KCNN3: variants seen among roughly 807,000 people sequenced by gnomAD.
KCNN3 encodes the protein small conductance calcium-activated potassium channel protein 3.
A neutral mutation model predicts 62.9 loss-of-function variants in KCNN3; 16 were observed. The observed-to-expected ratio is 0.25, with a 90% CI of 0.17 to 0.39. The LOEUF (loss-of-function observed/expected upper bound fraction) is 0.39. Ranked by LOEUF, KCNN3 falls within the 10% of genes least tolerant of loss-of-function variation. The probability of loss-of-function intolerance (pLI) is 1.00; values close to 1 mark genes in which losing one functional copy is unlikely to be tolerated. For missense variants in KCNN3, 599 were observed against 949.4 expected (o/e 0.63, Z 4.85); for synonymous variants, 370 against 389.2 (o/e 0.95, Z 0.58).
chr1:154,707,091 C>T lies in KCNN3; in HGVS notation c.*885G>A, dbSNP rs1995662. 0.87 allele frequency: 132,395 copies of T among 152,196 alleles called. 57,950 individuals carry two copies. Among genetic ancestry groups the T allele is most frequent in the East Asian group, 0.97 (5,041 of 5,182 alleles). The allele number at this position is 152,196 out of a possible 1,614,324, so 9.4% of individuals were successfully genotyped here. ...TTTTGGCTTGGCATCCATTTCAAAT[C>T]AAGCAAGGTGCATATCCAGGACAAA... On this transcript the variant is annotated 3_prime_UTR_variant, in exon 8 of 8. Transcript: ENST00000271915.
chr1:154,788,722 A>C (rs1194636336), intron 2 of KCNN3, among the ~76,000 whole-genome samples: 2 of 152,202 alleles, frequency 1.3e-5, no homozygotes, highest in Non-Finnish European at 2.9e-5. Context: ...CCTGTGAGCC[A>C]GCCACCTTCA....
chr1:154,753,274 C>A (rs1280290563), intron 3 of KCNN3, among the ~76,000 whole-genome samples: 2 of 152,090 alleles, frequency 1.3e-5, no homozygotes, highest in Non-Finnish European at 2.9e-5. Flanking sequence ...CCCCACCCCA[C>A]CCCTCGAAAA....
intron 2 of KCNN3, among the ~76,000 whole-genome samples, chr1:154,775,573 C>CA (rs1648754432): frequency 7.8e-6 from 1 of 127,664 alleles, no homozygotes; most frequent in South Asian, 3.4e-4. Context: ...CAGCCCCCCA[C>CA]CCACCCACCC....
At chr1:154,863,800 C>T (rs984209543) in intron 1 of KCNN3, among the ~76,000 whole-genome samples, 3 of 152,196 alleles carry the variant, frequency 2.0e-5, no homozygotes, top group Non-Finnish European at 2.9e-5. Context: ...ATGCCCCTGG[C>T]GGAGCACCTG....
intron 1 of KCNN3, among the ~76,000 whole-genome samples, chr1:154,825,364 A>T (rs58743378): frequency 0.019 from 2,200 of 118,348 alleles, 78 homozygotes; most frequent in African/African-American, 0.069. Flanking sequence ...GATGAGAATC[A>T]TTTTTTTTTT....
intron 3 of KCNN3, among the ~76,000 whole-genome samples, chr1:154,739,455 C>T (rs1700782698): frequency 6.6e-6 from 1 of 152,110 alleles, no homozygotes; most frequent in Admixed American, 6.5e-5. Flanking sequence ...CTTCATAGTG[C>T]TTCCATGTAG....
Position 154,869,533 on chromosome 1 carries a change from T to A in KCNN3, c.432A>T (p.Thr144=), listed in dbSNP as rs763639345. Residue 144 remains threonine (T), a synonymous_variant, in exon 1 of 8, where the codon ACA becomes ACT. Coordinates refer to ENST00000271915, the MANE Select transcript of KCNN3 (RefSeq NM_002249.6). The surrounding 1 kb of genome is among the most constrained non-coding windows in gnomAD (Gnocchi z 6.1). ...TGCCTCCGCCAGGCCCACTTGTAGC[T>A]GTGGAACTTGGAGAGTGGCCAAGCA... is the stretch of plus-strand genomic sequence containing the variant. ...DHLLGHSPSS[T]ATSGPGGGSR... 3.7e-6 allele frequency: 6 copies of A among 1,613,960 alleles called. No homozygotes were observed. The highest frequency in any genetic ancestry group is 1.3e-5 in the African/African-American group (1 of 74,898).
intron 3 of KCNN3, 61 bp downstream of exon 3, chr1:154,771,914 C>G (rs746176981): frequency 1.3e-6 from 2 of 1,550,558 alleles, no homozygotes; most frequent in Non-Finnish European, 1.8e-6. Flanking sequence ...GGCACCCCTA[C>G]TCCTCCTCCC....
chr1:154,843,720 C>T (rs1483318328), intron 1 of KCNN3, among the ~76,000 whole-genome samples: 1 of 152,142 alleles, frequency 6.6e-6, no homozygotes, highest in Non-Finnish European at 1.5e-5. Context: ...AGTTCTCTCC[C>T]GGAGACTCCT....
At chr1:154,798,606 G>T (rs1649831179) in intron 2 of KCNN3, among the ~76,000 whole-genome samples, 1 of 152,180 alleles carries the variant, frequency 6.6e-6, no homozygotes, top group Non-Finnish European at 1.5e-5. Context: ...AGTAATAAGA[G>T]CAAAGAAAAG....
At chr1:154,808,985 C>T (rs907690556) in intron 2 of KCNN3, among the ~76,000 whole-genome samples, 2 of 152,174 alleles carry the variant, frequency 1.3e-5, no homozygotes, top group African/African-American at 4.8e-5. Flanking sequence ...GCGGTGGCTG[C>T]TCTGCGCCCA....
intron 3 of KCNN3, among the ~76,000 whole-genome samples, chr1:154,756,275 C>G (rs953787338): frequency 7.6e-6 from 1 of 131,668 alleles, no homozygotes; most frequent in Non-Finnish European, 1.6e-5. Flanking sequence ...AAGAAGACGA[C>G]GACGATGAAA....
At chr1:154,722,134 G>A (rs1430564416) in intron 5 of KCNN3, among the ~76,000 whole-genome samples, 2 of 152,094 alleles carry the variant, frequency 1.3e-5, no homozygotes, top group Non-Finnish European at 2.9e-5. Flanking sequence ...GCAGTCTTTA[G>A]AGCAAGACAG....
chr1:154,779,985 G>A (rs931453510), intron 2 of KCNN3, among the ~76,000 whole-genome samples: 3 of 152,066 alleles, frequency 2.0e-5, no homozygotes, highest in Admixed American at 6.6e-5. Context: ...CAAGGCCAAC[G>A]CTGAAGGCCA....
Position 154,717,980 on chromosome 1 carries a change from C to T in KCNN3, c.1702-2977G>A, listed in dbSNP as rs1176501724. On this transcript the variant is annotated intron_variant, in intron 5 of 7. Transcript: ENST00000271915. ...GTCATGTGCCCTTCCTCAGATTTGC[C>T]GAGCCTCCAAAGGGCTCCATGCACC... Among the ~76,000 whole-genome samples the T allele has an allele frequency of 2.6e-5, 4 of 152,058 alleles. 1 individual carries two copies. Among genetic ancestry groups the T allele is most frequent in the Non-Finnish European group, 5.9e-5 (4 of 68,012 alleles).
At chr1:154,737,206 TGGG>T in intron 3 of KCNN3, 3 of 177,432 alleles carry the variant, frequency 1.7e-5, no homozygotes, top group South Asian at 8.6e-5. Context: ...ATAGAAAATT[TGGG>T]GGGGGGGGAT....
chr1:154,829,947 C>A (rs571975460), intron 1 of KCNN3, among the ~76,000 whole-genome samples: 69 of 152,254 alleles, frequency 4.5e-4, no homozygotes, highest in Non-Finnish European at 8.8e-4. Context: ...GTTGTTCTCA[C>A]ACCCCCACCA....
At chr1:154,824,149 C>T (rs1055097105) in intron 1 of KCNN3, among the ~76,000 whole-genome samples, 1 of 152,230 alleles carries the variant, frequency 6.6e-6, no homozygotes, top group African/African-American at 2.4e-5. Context: ...AGCTTCTGAT[C>T]TGGCTTATTC....
In KCNN3 at chr1:154,785,579, T is replaced by C. The variant is rs1169753570; in HGVS notation, c.1030-13186A>G. On this transcript the variant is annotated intron_variant, in intron 2 of 7. Coordinates refer to ENST00000271915, the MANE Select transcript of KCNN3 (RefSeq NM_002249.6). ...CTAAGCACTTTTCTTTTTCTTTTTT[T>C]TTTTTTTTTTTTTTTTTTTTGAGAC... Among the ~76,000 whole-genome samples the C allele has an allele frequency of 7.8e-4, 110 of 140,530 alleles. 1 individual carries two copies. Among genetic ancestry groups the C allele is most frequent in the South Asian group, 2.1e-3 (9 of 4,218 alleles). 92.2% of individuals were successfully genotyped at this position (140,530 alleles called of 152,430 possible). A position where few individuals can be genotyped will look rare whatever the true frequency, so the allele number is the denominator to read the frequency against.
Sources: gnomAD v4.1 joint callset for allele counts (sites outside exome capture counted in the v4.1 genomes callset) on GRCh38, gnomAD v4.1.1 for gene constraint, Gnocchi (gnomAD v3.1) non-coding constraint, MANE v1.5 for transcripts, NCBI Gene and HGNC (gene_info 2026-07-23, HGNC 2026-07-21) for gene names.